The following AGTPBP1 variants were observed in gnomAD, a reference collection of about 807,000 sequenced individuals.
The protein encoded by AGTPBP1 is cytosolic carboxypeptidase 1.
AGTPBP1 carries 70 observed loss-of-function variants against 143.9 expected under a neutral mutation model. The ratio of observed to expected loss-of-function variants is 0.49; its 90% confidence interval spans 0.40 to 0.59. The LOEUF (loss-of-function observed/expected upper bound fraction) is 0.59. AGTPBP1 is among the 20% of genes least tolerant of loss of function. The pLI is 0.00. For missense variants in AGTPBP1, 1,229 were observed against 1,464.5 expected, an observed-to-expected ratio of 0.84 and a Z score of 2.62; for synonymous variants, 463 against 500.2, an observed-to-expected ratio of 0.93 and a Z score of 0.99.
the AGTPBP1 span, among the ~76,000 whole-genome samples, chr9:85,802,468 A>G: frequency 3.3e-5 from 5 of 152,174 alleles, no homozygotes; most frequent in East Asian, 9.6e-4. Flanking sequence ...TAGCCTCACT[A>G]TAAATTCATG....
In AGTPBP1 at chr9:85,567,540, C is replaced by T. The variant is rs189834636; in HGVS notation, c.3503+7775G>A. Among the ~76,000 whole-genome samples, 18 of 152,198 alleles carry T rather than the reference C, an allele frequency of 1.2e-4. 1 individual carries two copies. In the East Asian group the frequency reaches 3.5e-3, roughly 29 times the overall value. On this transcript the variant is annotated intron_variant, in intron 25 of 25. Transcript: ENST00000357081. The stretch of plus-strand genomic sequence containing the variant: ...CTGGGAGGCAGAGGTTGCAGTGAGT[C>T]GAGATCGCGCCACTGTACTCAAGTA...
At chr9:85,703,921 T>C (rs1836825526) in intron 2 of AGTPBP1, among the ~76,000 whole-genome samples, 1 of 152,014 alleles carries the variant, frequency 6.6e-6, no homozygotes, top group African/African-American at 2.4e-5. Context: ...CAAGAGACAA[T>C]GGTACCGCAG....
chr9:85,571,427 C>G (rs1192125061), intron 25 of AGTPBP1, among the ~76,000 whole-genome samples: 4 of 151,920 alleles, frequency 2.6e-5, no homozygotes, highest in Non-Finnish European at 4.4e-5. Flanking sequence ...TTTTGAGCAT[C>G]AAAATAAACA....
chr9:85,610,361 A>G (rs1054868287), intron 17 of AGTPBP1, among the ~76,000 whole-genome samples: 1 of 152,198 alleles, frequency 6.6e-6, no homozygotes, highest in African/African-American at 2.4e-5. Context: ...AGTGACACAC[A>G]TTCTCAAATT....
At position 85,632,707 on chromosome 9, in the gene AGTPBP1, G is replaced by C; in HGVS notation, c.1970C>G (p.Pro657Arg). 1 of 1,613,698 alleles carries C rather than the reference G, an allele frequency of 6.2e-7. No individual in the cohort carries two copies. Among genetic ancestry groups the C allele is most frequent in the South Asian group, 1.1e-5 (1 of 91,016 alleles). Residue 657 changes from proline to arginine, a missense_variant, in exon 14 of 26, where the codon CCT (proline) becomes CGT (arginine). Physicochemically the swap from Pro to Arg is moderately radical, Grantham distance 103 (BLOSUM62 -2). Coordinates refer to ENST00000357081, the MANE Select transcript of AGTPBP1 (RefSeq NM_001330701.2). ...AYPDYFGHIPPPFKEPILERP... is the reference protein window; with the variant it reads ...AYPDYFGHIPRPFKEPILERP... ...TTCTAAAATAGGCTCTTTGAATGGA[G>C]GCGGAATGTGACCAAAATAATCGGG...
At chr9:85,697,547 G>A (rs2134325960) in intron 2 of AGTPBP1, among the ~76,000 whole-genome samples, 1 of 146,888 alleles carries the variant, frequency 6.8e-6, no homozygotes, top group East Asian at 2.1e-4. Flanking sequence ...CCGCCTCCCG[G>A]GTTCACGCCA....
At chr9:85,767,329 G>A in the AGTPBP1 span, among the ~76,000 whole-genome samples, 29 of 147,406 alleles carry the variant, frequency 2.0e-4, 1 homozygote, top group South Asian at 6.1e-3. Context: ...TTACAGATGT[G>A]CACTACCATG....
At chr9:85,635,958 C>T (rs1234058314) in intron 13 of AGTPBP1, among the ~76,000 whole-genome samples, 1 of 152,134 alleles carries the variant, frequency 6.6e-6, no homozygotes, top group Non-Finnish European at 1.5e-5. Context: ...CATGGATTCG[C>T]AGCCTGAATT....
chr9:85,717,198 T>G (rs755265550), intron 1 of AGTPBP1, among the ~76,000 whole-genome samples: 1 of 152,152 alleles, frequency 6.6e-6, no homozygotes, highest in Non-Finnish European at 1.5e-5. Flanking sequence ...TTCTAAAACA[T>G]GATGATTCAA....
At chr9:85,692,904 C>A in intron 2 of AGTPBP1, 91 bp from the exon 3 acceptor site, 4 of 1,420,844 alleles carry the variant, frequency 2.8e-6, no homozygotes, top group Non-Finnish European at 3.8e-6. Context: ...CAATTCTACT[C>A]TTTTAAAAAC....
rs1320756037 is a variant in AGTPBP1 at position 85,619,089 on chromosome 9, A to G, written c.2229T>C (p.Asn743=). The change falls in exon 17 of 26, where the codon AAT becomes AAC. Residue 743 remains asparagine (N), a synonymous_variant. Coordinates refer to ENST00000357081, the MANE Select transcript of AGTPBP1 (RefSeq NM_001330701.2). ...CAAAGTAAAACCACTGATGATAATG[A>G]TTGCTGTTTATGTCTGAGTTCAGAA... ...DLILNSDINS[N]HYHQWFYFEV... 3 of 1,613,708 alleles carry G rather than the reference A, an allele frequency of 1.9e-6. No individual in the cohort carries two copies. The highest frequency in any genetic ancestry group is 3.3e-5 in the Admixed American group (2 of 60,012).
chr9:85,600,942 C>T (rs886538174), intron 17 of AGTPBP1, among the ~76,000 whole-genome samples: 4 of 152,168 alleles, frequency 2.6e-5, no homozygotes, highest in African/African-American at 7.2e-5. Flanking sequence ...TGCATTTGCA[C>T]GTGCCCAGAG....
chr9:85,646,982 A>T (rs1477118625), intron 11 of AGTPBP1, among the ~76,000 whole-genome samples: 1 of 152,164 alleles, frequency 6.6e-6, no homozygotes, highest in Non-Finnish European at 1.5e-5. Context: ...ATATTGTTTT[A>T]AGAAAATTTA....
Position 85,627,191 on chromosome 9 carries a change from G to A in AGTPBP1, c.2015+5471C>T, listed in dbSNP as rs539908106. ...ATCAACCCAAATTTGATAAACACTGGTCTAATCTTTGCTTTTAAAAAGTTG... is the reference window on the plus strand; with the variant it reads ...ATCAACCCAAATTTGATAAACACTGATCTAATCTTTGCTTTTAAAAAGTTG... On this transcript the variant is annotated intron_variant, in intron 14 of 25. Coordinates refer to ENST00000357081, the MANE Select transcript of AGTPBP1 (RefSeq NM_001330701.2). Among the ~76,000 whole-genome samples the A allele has an allele frequency of 7.6e-4, 115 of 152,216 alleles. No homozygotes were observed. The South Asian group carries it at 0.013, about 17-fold the overall frequency.
the AGTPBP1 span, among the ~76,000 whole-genome samples, chr9:85,774,648 T>C: frequency 1.3e-5 from 2 of 152,198 alleles, no homozygotes; most frequent in Non-Finnish European, 2.9e-5. Flanking sequence ...ACAGCTACTA[T>C]GGCAGCAAAA....
At chr9:85,755,782 G>T in the AGTPBP1 span, among the ~76,000 whole-genome samples, 1 of 152,164 alleles carries the variant, frequency 6.6e-6, no homozygotes, top group Non-Finnish European at 1.5e-5. Context: ...ACTCCAGCAT[G>T]TTCTTAATAT....
chr9:85,662,881 A>AT (rs1444223288), intron 8 of AGTPBP1, among the ~76,000 whole-genome samples: 1 of 152,136 alleles, frequency 6.6e-6, no homozygotes, highest in Non-Finnish European at 1.5e-5. Flanking sequence ...ATTTGATGTA[A>AT]TTTTTTAAAT....
chr9:85,774,043 T>A, the AGTPBP1 span: 1 of 1,559,628 alleles, frequency 6.4e-7, no homozygotes, highest in Non-Finnish European at 8.8e-7. Context: ...AAAGGTAACT[T>A]CCCCTTTTGA....
Position 85,712,507 on chromosome 9 carries a change from T to G in AGTPBP1, c.27A>C (p.Glu9Asp). 4 of 1,497,294 alleles carry G rather than the reference T, an allele frequency of 2.7e-6. No individual in the cohort carries two copies. Among genetic ancestry groups the G allele is most frequent in the Non-Finnish European group, 3.6e-6 (4 of 1,106,494 alleles). The allele number at this position is 1,497,294 out of a possible 1,614,324, so 92.8% of individuals were successfully genotyped here. The change falls in exon 2 of 26, where the codon GAA becomes GAC. Residue 9 changes from glutamate (E) to aspartate (D), a missense_variant. By Grantham distance (45) the Glu-to-Asp change is conservative. This residue lies in a region of AGTPBP1 where 743 missense variants were observed against 812.2 expected (regional missense o/e 0.91). Coordinates refer to ENST00000357081, the MANE Select transcript of AGTPBP1 (RefSeq NM_001330701.2). ...GATATTCAGAATTACAGTACCTTTTTTCTGGTATCACTTTTAACTTGCTCA... is the reference window on the plus strand; with the variant it reads ...GATATTCAGAATTACAGTACCTTTTGTCTGGTATCACTTTTAACTTGCTCA... MSKLKVIPEKSLTNNSRIV... is the reference protein window; with the variant it reads MSKLKVIPDKSLTNNSRIV...
Sources: gnomAD v4.1 joint callset for allele counts (sites outside exome capture counted in the v4.1 genomes callset) on GRCh38, gnomAD v4.1.1 for gene constraint, gnomAD v4.1.1 regional missense constraint, MANE v1.5 for transcripts, NCBI Gene and HGNC (gene_info 2026-07-23, HGNC 2026-07-21) for gene names.